Variants in ZNF558 observed in about 807,000 individuals in gnomAD.
The protein encoded by ZNF558 is zinc finger protein 558.
In ZNF558, 23 loss-of-function variants were observed where a neutral mutation model predicts 37.6. The ratio of observed to expected loss-of-function variants is 0.61; its 90% CI spans 0.44 to 0.87. The LOEUF (loss-of-function observed/expected upper bound fraction) is 0.87. Ranked by LOEUF, ZNF558 falls within the 40% of genes least tolerant of loss-of-function variation. The probability of loss-of-function intolerance (pLI) is 0.00; values close to 1 mark genes in which losing one functional copy is unlikely to be tolerated. For synonymous variants in ZNF558, 189 were observed against 174.4 expected, an observed-to-expected ratio of 1.08 and a Z score of -0.66; for missense variants, 429 against 483.7, an observed-to-expected ratio of 0.89 and a Z score of 1.06.
chr19:8,827,125 G>C (rs559580178), intron 2 of ZNF558, among the ~76,000 whole-genome samples: 1 of 147,220 alleles, frequency 6.8e-6, no homozygotes, highest in South Asian at 2.1e-4. Flanking sequence ...TTTCCCACTA[G>C]GACAGGAGGG....
At chr19:8,836,844 CTG>C (rs2044461224), upstream of ZNF558, among the ~76,000 whole-genome samples, 2 of 152,122 alleles carry the variant, frequency 1.3e-5, no homozygotes, top group South Asian at 4.1e-4. Flanking sequence ...GCAAAACAAA[CTG>C]GGGATAAATA....
intron 7 of ZNF558, among the ~76,000 whole-genome samples, chr19:8,817,654 A>C (rs1409149772): frequency 1.3e-5 from 2 of 152,184 alleles, no homozygotes; most frequent in Non-Finnish European, 2.9e-5. Flanking sequence ...TCTATAAGAC[A>C]CTTGCTTTAT....
Position 8,807,674 on chromosome 19 carries a change from C to T in ZNF558, c.*3607G>A, listed in dbSNP as rs2043714095. The T allele has an allele frequency of 6.6e-6, 1 of 152,142 alleles. No individual in the cohort carries two copies. The highest frequency in any genetic ancestry group is 1.5e-5 in the Non-Finnish European group (1 of 68,046). The allele number at this position is 152,142 out of a possible 1,614,324, so 9.4% of individuals were successfully genotyped here. A position where few individuals can be genotyped will look rare whatever the true frequency, so the allele number is the denominator to read the frequency against. On this transcript the variant is annotated 3_prime_UTR_variant, in exon 10 of 10. Coordinates refer to ENST00000601372, the MANE Select transcript of ZNF558 (RefSeq NM_144693.3). ...AGATCTCCGCTCAAATGCTCCTTAC[C>T]AAGAGGCTTTCTTTTCCTAGTTATA...
At position 8,811,642 on chromosome 19, in the gene ZNF558, T is replaced by C. The variant is rs2043794408; in HGVS notation, c.848A>G (p.Asn283Ser). The C allele has an allele frequency of 2.5e-6, 4 of 1,614,112 alleles. No homozygotes were observed. Among genetic ancestry groups the C allele is most frequent in the African/African-American group, 2.7e-5 (2 of 74,944 alleles). ...AGGTTTCTCCCCTGTATGAATGCTATTGTGCCCAGTGAGAGAGGACCTTGT... is the reference window on the plus strand; with the variant it reads ...AGGTTTCTCCCCTGTATGAATGCTACTGTGCCCAGTGAGAGAGGACCTTGT... ...FSTRSSLTGH[N>S]SIHTGEKPYE... The change falls in exon 10 of 10, where the codon AAT becomes AGT. Residue 283 changes from asparagine (N) to serine (S), a missense_variant. Asn to Ser is a conservative substitution (Grantham distance 46, BLOSUM62 1). Transcript: ENST00000601372.
chr19:8,828,983 C>T (rs994540079), intron 2 of ZNF558, among the ~76,000 whole-genome samples: 4 of 149,504 alleles, frequency 2.7e-5, no homozygotes, highest in African/African-American at 7.4e-5. Flanking sequence ...AAAAAAAGGC[C>T]GGGTGTGGTG....
rs966729722 is a variant in ZNF558, at chr19:8,822,287, T to C, written c.32-196A>G. Among the ~76,000 whole-genome samples the C allele has an allele frequency of 6.6e-6, 1 of 152,044 alleles. No individual in the cohort carries two copies. Among genetic ancestry groups the C allele is most frequent in the East Asian group, 1.9e-4 (1 of 5,184 alleles). On this transcript the variant is annotated intron_variant, in intron 5 of 9. Transcript: ENST00000601372. The surrounding 1 kb of genome is among the most constrained non-coding windows in gnomAD (Gnocchi z 4.4). ...GCCCTGTCTCACCAACCAAAGACAATAGGGCTCAAGGTCTGACTGCACTTG... is the reference window on the plus strand; with the variant it reads ...GCCCTGTCTCACCAACCAAAGACAACAGGGCTCAAGGTCTGACTGCACTTG...
intron 7 of ZNF558, among the ~76,000 whole-genome samples, chr19:8,819,167 C>G (rs889862151): frequency 2.0e-5 from 3 of 152,186 alleles, no homozygotes; most frequent in Non-Finnish European, 4.4e-5. Flanking sequence ...CTAGATACAA[C>G]AGACTTCATC....
upstream of ZNF558, among the ~76,000 whole-genome samples, chr19:8,836,293 AG>A (rs1298555295): frequency 1.3e-5 from 2 of 152,182 alleles, no homozygotes; most frequent in Non-Finnish European, 2.9e-5. Flanking sequence ...AAATAATAGA[AG>A]AAAAGTGGAA....
chr19:8,821,168 CATTAGG>C lies in ZNF558; in HGVS notation c.247+6_247+11del. Reference sequence around the variant, plus strand: ...AGTCATTAAATAAATGCAGGAATGACATTAGGCTTACCTAGTGAGGCCAGGTTCCTG... The same window carrying C: ...AGTCATTAAATAAATGCAGGAATGACCTTACCTAGTGAGGCCAGGTTCCTG... On this transcript the variant is annotated splice_donor_region_variant and intron_variant, in intron 7 of 9. Coordinates refer to ENST00000601372, the MANE Select transcript of ZNF558 (RefSeq NM_144693.3). 1 of 1,613,154 alleles carries C rather than the reference CATTAGG, an allele frequency of 6.2e-7. No individual in the cohort carries two copies. The highest frequency in any genetic ancestry group is 8.5e-7 in the Non-Finnish European group (1 of 1,179,342).
chr19:8,821,417 T>A, intron 6 of ZNF558, 111 bp from the exon 7 acceptor site: 1 of 1,596,472 alleles, frequency 6.3e-7, no homozygotes, highest in Non-Finnish European at 8.5e-7. Context: ...GCACGAGATG[T>A]TGGGGGGGGT....
chr19:8,825,334 A>G (rs2044207451), intron 2 of ZNF558, among the ~76,000 whole-genome samples: 1 of 152,202 alleles, frequency 6.6e-6, no homozygotes, highest in African/African-American at 2.4e-5. Context: ...AGGTTGGTGC[A>G]AAAGTGATTG....
upstream of ZNF558, among the ~76,000 whole-genome samples, chr19:8,836,284 A>G (rs538517085): frequency 3.0e-4 from 46 of 152,294 alleles, no homozygotes; most frequent in African/African-American, 1.1e-3. Context: ...TCTTCCTCAA[A>G]ATAATAGAAG....
upstream of ZNF558, among the ~76,000 whole-genome samples, chr19:8,835,182 G>C (rs2044442371): frequency 6.6e-6 from 1 of 151,926 alleles, no homozygotes; most frequent in African/African-American, 2.4e-5. Context: ...CTCCCAAGTA[G>C]CTGGGACCAC....
chr19:8,822,901 GC>G lies in ZNF558; in HGVS notation c.-65-178del. ...TTCAGGGCCACCTGATGGAAAACTT[GC>G]CTTCCTCTGTCCCCAACACAACGAC... On this transcript the variant is annotated intron_variant, in intron 4 of 9. Transcript: ENST00000601372. The surrounding 1 kb of genome is among the most constrained non-coding windows in gnomAD (Gnocchi z 4.4). The G allele has an allele frequency of 1.7e-6, 1 of 600,404 alleles. No individual in the cohort carries two copies. Among genetic ancestry groups the G allele is most frequent in the Non-Finnish European group, 2.9e-6 (1 of 341,462 alleles). 37.2% of individuals were successfully genotyped at this position (600,404 alleles called of 1,614,324 possible). A position where few individuals can be genotyped will look rare whatever the true frequency, so the allele number is the denominator to read the frequency against.
At chr19:8,835,419 A>AT (rs901555677), upstream of ZNF558, among the ~76,000 whole-genome samples, 6 of 152,214 alleles carry the variant, frequency 3.9e-5, no homozygotes, top group Non-Finnish European at 8.8e-5. Context: ...AAATATATAC[A>AT]TGAAAAGATG....
rs2043783853 is a variant in ZNF558 at position 8,811,341 on chromosome 19, T to C, written c.1149A>G (p.Lys383=). 2 of 1,612,014 alleles carry C rather than the reference T, an allele frequency of 1.2e-6. No individual in the cohort carries two copies. Among genetic ancestry groups the C allele is most frequent in the Non-Finnish European group, 1.7e-6 (2 of 1,179,078 alleles). ...EKPYECNHCG[K]SFTSNSYLSV... ...AAAGATAGGAGTTACTTGTGAAGGA[T>C]TTCCCACAATGATTACATTCATAGG... The change falls in exon 10 of 10, where the codon AAA becomes AAG. Residue 383 remains lysine, a synonymous_variant. Transcript: ENST00000601372.
At chr19:8,824,562 T>C (rs942685526) in intron 3 of ZNF558, 145 bp from the exon 4 acceptor site, 4 of 152,276 alleles carry the variant, frequency 2.6e-5, no homozygotes, top group Admixed American at 2.0e-4. Flanking sequence ...GTAAAGATCA[T>C]GAGGAGGAAT....
upstream of ZNF558, among the ~76,000 whole-genome samples, chr19:8,836,463 C>A (rs1005088197): frequency 1.3e-5 from 2 of 150,110 alleles, no homozygotes; most frequent in Admixed American, 1.3e-4. Context: ...TTTCCTCCTC[C>A]TCCCCCCCTC....
intron 6 of ZNF558, 162 bp from the exon 7 acceptor site, chr19:8,821,468 A>G (rs549285516): frequency 6.7e-7 from 1 of 1,489,618 alleles, no homozygotes; most frequent in Non-Finnish European, 8.9e-7. Context: ...CTCCTCTCCC[A>G]GGGTTCTGAG....
Sources: allele counts gnomAD v4.1 joint callset (sites outside exome capture counted in the v4.1 genomes callset), GRCh38; gene constraint gnomAD v4.1.1; non-coding constraint Gnocchi (gnomAD v3.1); transcripts MANE v1.5; gene names NCBI Gene and HGNC (gene_info 2026-07-23, HGNC 2026-07-21).